NKAIN3: variants seen among roughly 807,000 people sequenced by gnomAD.
NKAIN3 encodes the protein sodium/potassium transporting ATPase interacting 3.
NKAIN3 carries 25 observed loss-of-function variants against 30.2 expected under a neutral mutation model. The ratio of observed to expected loss-of-function variants is 0.83; its 90% confidence interval spans 0.60 to 1.16. The LOEUF is 1.16. Ranked by LOEUF, NKAIN3 falls within the 50% of genes most tolerant of loss-of-function variation. The pLI is 0.00. For missense variants in NKAIN3, 225 were observed against 254.1 expected (o/e 0.89, Z 0.78); for synonymous variants, 91 against 89.6 (o/e 1.02, Z -0.09).
rs1001803643 is a variant in NKAIN3, at chr8:62,879,847, A to C, written c.472-38606A>C. On this transcript the variant is annotated intron_variant, in intron 4 of 6. Coordinates refer to ENST00000623646, the MANE Select transcript of NKAIN3 (RefSeq NM_001304533.3). ...CTGAAGAGAGTTGCACCAAGGACTC[A>C]GAATCTGACTCCCACCCCGTCAACT... 1.5e-3 allele frequency among the ~76,000 whole-genome samples: 228 copies of C among 152,306 alleles called. 2 individuals are homozygous for C. The highest frequency in any genetic ancestry group is 0.015 in the Admixed American group (224 of 15,294).
At chr8:62,708,288 G>A (rs1233630937) in intron 3 of NKAIN3, among the ~76,000 whole-genome samples, 2 of 152,172 alleles carry the variant, frequency 1.3e-5, no homozygotes, top group South Asian at 2.1e-4. Flanking sequence ...GATGGGAATT[G>A]CATTGAATTT....
chr8:62,725,286 A>T (rs1256172252), intron 3 of NKAIN3, among the ~76,000 whole-genome samples: 1 of 152,016 alleles, frequency 6.6e-6, no homozygotes. Flanking sequence ...TATTAATCAG[A>T]TAGATAGTTT....
chr8:62,650,229 C>A (rs183225058), intron 3 of NKAIN3, among the ~76,000 whole-genome samples: 100 of 152,204 alleles, frequency 6.6e-4, no homozygotes, highest in African/African-American at 2.3e-3. Flanking sequence ...AATTTATTTT[C>A]ACAACATTTC....
At chr8:62,424,557 TC>T (rs1563392909) in intron 1 of NKAIN3, among the ~76,000 whole-genome samples, 1 of 151,882 alleles carries the variant, frequency 6.6e-6, no homozygotes, top group Non-Finnish European at 1.5e-5. Flanking sequence ...ATGCTCAACA[TC>T]AGTAATCATC....
intron 4 of NKAIN3, among the ~76,000 whole-genome samples, chr8:62,854,836 G>T (rs776673671): frequency 6.6e-6 from 1 of 152,200 alleles, no homozygotes; most frequent in Middle Eastern, 3.4e-3. Flanking sequence ...GGCTGGTAAC[G>T]ATTTTTCCTT....
chr8:62,819,479 C>T (rs1431792820), intron 4 of NKAIN3, among the ~76,000 whole-genome samples: 2 of 151,958 alleles, frequency 1.3e-5, no homozygotes, highest in Non-Finnish European at 2.9e-5. Context: ...GTAGCAGATT[C>T]AGATTATTTA....
chr8:62,469,492 G>T (rs1459943668), intron 1 of NKAIN3, among the ~76,000 whole-genome samples: 2 of 152,160 alleles, frequency 1.3e-5, no homozygotes, highest in East Asian at 1.9e-4. Flanking sequence ...TTCTGCTCTT[G>T]CTGGACAGGT....
intron 1 of NKAIN3, among the ~76,000 whole-genome samples, chr8:62,478,275 A>C (rs1806586380): frequency 6.6e-6 from 1 of 152,194 alleles, no homozygotes; most frequent in Admixed American, 6.5e-5. Context: ...CCAGTATTTA[A>C]ACCAAGGTGA....
intron 4 of NKAIN3, among the ~76,000 whole-genome samples, chr8:62,805,947 A>C (rs1457288817): frequency 6.6e-6 from 1 of 152,210 alleles, no homozygotes. Context: ...AACTCAAACA[A>C]ATTTACAAGG....
chr8:62,796,393 A>AC (rs1464364518), intron 4 of NKAIN3, among the ~76,000 whole-genome samples: 1 of 125,936 alleles, frequency 7.9e-6, no homozygotes, highest in Non-Finnish European at 1.8e-5. Flanking sequence ...CAAAAAAAAA[A>AC]AAAAAAAAAA....
chr8:62,881,222 T>C (rs1385444759), intron 4 of NKAIN3, among the ~76,000 whole-genome samples: 1 of 152,150 alleles, frequency 6.6e-6, no homozygotes. Context: ...ATGACCTCCA[T>C]CCATCATTAT....
chr8:62,890,016 C>T (rs992411360), intron 4 of NKAIN3, among the ~76,000 whole-genome samples: 5 of 152,116 alleles, frequency 3.3e-5, no homozygotes, highest in African/African-American at 1.2e-4. Context: ...CTATATTCAC[C>T]TTCCCAATTA....
chr8:62,563,025 G>A (rs1809637605), intron 1 of NKAIN3, among the ~76,000 whole-genome samples: 3 of 152,024 alleles, frequency 2.0e-5, no homozygotes. Context: ...GCTTGTTTGT[G>A]GGATTGTGTG....
At chr8:62,841,553 C>T (rs1402920690) in intron 4 of NKAIN3, among the ~76,000 whole-genome samples, 3 of 152,100 alleles carry the variant, frequency 2.0e-5, no homozygotes, top group African/African-American at 7.2e-5. Context: ...TTAGATTTCA[C>T]ATATAAATGA....
At chr8:62,570,535 G>A (rs973603508) in intron 1 of NKAIN3, among the ~76,000 whole-genome samples, 2 of 152,110 alleles carry the variant, frequency 1.3e-5, no homozygotes, top group Non-Finnish European at 2.9e-5. Context: ...CAAGAGAAGA[G>A]AGCTTGGGGA....
intron 1 of NKAIN3, among the ~76,000 whole-genome samples, chr8:62,383,881 C>CTTTTTT (rs202071193): frequency 1.4e-5 from 2 of 145,788 alleles, no homozygotes. Flanking sequence ...CATGAATTTT[C>CTTTTTT]TTTTTTTTTT....
At chr8:62,949,111 A>G (rs754626107) in intron 5 of NKAIN3, among the ~76,000 whole-genome samples, 14 of 152,200 alleles carry the variant, frequency 9.2e-5, no homozygotes, top group Non-Finnish European at 1.6e-4. Context: ...TTCATGTGAC[A>G]TGTAGTGAAT....
intron 4 of NKAIN3, among the ~76,000 whole-genome samples, chr8:62,805,699 C>G (rs1245241547): frequency 6.6e-6 from 1 of 152,160 alleles, no homozygotes; most frequent in African/African-American, 2.4e-5. Flanking sequence ...CATAAAATCC[C>G]TAGAAGAAAA....
chr8:62,506,124 A>G (rs1807626519), intron 1 of NKAIN3, among the ~76,000 whole-genome samples: 1 of 115,860 alleles, frequency 8.6e-6, no homozygotes, highest in Non-Finnish European at 2.1e-5. Flanking sequence ...CTTCTGGATA[A>G]ATCAGGATAA....
Sources: allele counts gnomAD v4.1 joint callset (sites outside exome capture counted in the v4.1 genomes callset), GRCh38; gene constraint gnomAD v4.1.1; transcripts MANE v1.5; gene names NCBI Gene and HGNC (gene_info 2026-07-23, HGNC 2026-07-21).